Variants in SREBF2 observed in about 807,000 individuals in gnomAD.
SREBF2 encodes the protein sterol regulatory element-binding protein 2.
Under a neutral mutation model 113.1 loss-of-function variants are expected in SREBF2, and 55 were observed. The ratio of observed to expected loss-of-function variants is 0.49; its 90% CI spans 0.39 to 0.61. SREBF2 has a LOEUF of 0.61. Among genes scored for constraint, SREBF2 ranks in the 20% least tolerant of loss-of-function variants. The probability of loss-of-function intolerance (pLI) is 0.00; values close to 1 mark genes in which losing one functional copy is unlikely to be tolerated. For synonymous variants in SREBF2, 593 were observed against 605.7 expected, an observed-to-expected ratio of 0.98 and a Z score of 0.31; for missense variants, 1,349 against 1,487.4, an observed-to-expected ratio of 0.91 and a Z score of 1.53.
chr22:41,852,119 TCAAA>T (rs1021136972), intron 1 of SREBF2, among the ~76,000 whole-genome samples: 2 of 150,788 alleles, frequency 1.3e-5, no homozygotes, highest in Admixed American at 6.6e-5. Context: ...AGACTCCATC[TCAAA>T]CAAACAAACA....
intron 13 of SREBF2, 85 bp downstream of exon 13, chr22:41,895,022 G>A (rs904302474): frequency 8.5e-6 from 9 of 1,063,352 alleles, no homozygotes; most frequent in Admixed American, 5.5e-5. Context: ...CACTCCTGGA[G>A]GGAAACAAGC....
chr22:41,896,019 T>C (rs1247001204), intron 13 of SREBF2, among the ~76,000 whole-genome samples: 2 of 151,878 alleles, frequency 1.3e-5, no homozygotes, highest in African/African-American at 4.8e-5. Flanking sequence ...CGGGCGCCTG[T>C]GGTCCCAGCT....
At chr22:41,856,274 G>A (rs1368296978) in intron 1 of SREBF2, among the ~76,000 whole-genome samples, 1 of 151,960 alleles carries the variant, frequency 6.6e-6, no homozygotes, top group African/African-American at 2.4e-5. Context: ...CTACAGGTGC[G>A]TGCCACCATG....
intron 1 of SREBF2, among the ~76,000 whole-genome samples, chr22:41,837,425 G>A (rs2076786184): frequency 1.3e-5 from 2 of 151,826 alleles, no homozygotes; most frequent in African/African-American, 4.8e-5. Flanking sequence ...GGGCATGGTG[G>A]TACACGCCTA....
chr22:41,885,205 T>C (rs1271625494), intron 11 of SREBF2, among the ~76,000 whole-genome samples, 194 bp downstream of exon 11: 1 of 152,196 alleles, frequency 6.6e-6, no homozygotes, highest in Non-Finnish European at 1.5e-5. Flanking sequence ...ATTCCTCCCC[T>C]TGTGGCCTTA....
At chr22:41,876,010 G>A (rs1160200180) in intron 7 of SREBF2, among the ~76,000 whole-genome samples, 4 of 152,224 alleles carry the variant, frequency 2.6e-5, no homozygotes, top group African/African-American at 7.2e-5. Context: ...TTGTGGGGGC[G>A]TTGGGAGCTG....
chr22:41,902,075 GCCTT>G (rs1226592036), intron 16 of SREBF2, among the ~76,000 whole-genome samples: 1 of 152,232 alleles, frequency 6.6e-6, no homozygotes, highest in African/African-American at 2.4e-5. Context: ...AAGGATCAAG[GCCTT>G]GTGCAGGGAC....
At chr22:41,835,782 A>G (rs2076768566) in intron 1 of SREBF2, among the ~76,000 whole-genome samples, 2 of 152,104 alleles carry the variant, frequency 1.3e-5, no homozygotes, top group Non-Finnish European at 2.9e-5. Flanking sequence ...ATGTGCCACC[A>G]CACCTAGCTA....
At chr22:41,882,433 G>C (rs1305662383) in intron 10 of SREBF2, among the ~76,000 whole-genome samples, 1 of 152,200 alleles carries the variant, frequency 6.6e-6, no homozygotes, top group African/African-American at 2.4e-5. Flanking sequence ...CTACAGGTGA[G>C]AGTGAAAAGC....
At chr22:41,904,238 G>A (rs2077486928) in intron 17 of SREBF2, among the ~76,000 whole-genome samples, 2 of 152,102 alleles carry the variant, frequency 1.3e-5, no homozygotes, top group South Asian at 2.1e-4. Flanking sequence ...GCCCATCAGC[G>A]GCTCCCCATT....
At chr22:41,872,616 C>T (rs1474106730) in intron 4 of SREBF2, among the ~76,000 whole-genome samples, 1 of 152,076 alleles carries the variant, frequency 6.6e-6, no homozygotes, top group Non-Finnish European at 1.5e-5. Context: ...TTGGTCCAGG[C>T]CCAGTGGCTC....
intron 17 of SREBF2, chr22:41,904,588 G>A (rs9611689): frequency 1.9e-5 from 12 of 629,556 alleles, no homozygotes; most frequent in African/African-American, 9.1e-5. Context: ...CCAGCCCCAC[G>A]AGGTGCGTCC....
At chr22:41,880,671 C>G in intron 9 of SREBF2, 45 bp from the exon 10 acceptor site, 4 of 1,613,510 alleles carry the variant, frequency 2.5e-6, no homozygotes, top group Non-Finnish European at 3.4e-6. Context: ...AAACAAAAAG[C>G]CGGAGCAAGG....
At chr22:41,867,376 G>A in intron 2 of SREBF2, 96 bp downstream of exon 2, 1 of 1,341,416 alleles carries the variant, frequency 7.5e-7, no homozygotes. Flanking sequence ...TTCAGGAATG[G>A]CAGGTATATC....
At chr22:41,871,809 G>A (rs2077144922) in intron 4 of SREBF2, among the ~76,000 whole-genome samples, 1 of 149,862 alleles carries the variant, frequency 6.7e-6, no homozygotes, top group Non-Finnish European at 1.5e-5. Context: ...TGAGGCAGGA[G>A]AATTGCTTGA....
intron 11 of SREBF2, among the ~76,000 whole-genome samples, chr22:41,889,364 C>T (rs1368414425): frequency 6.6e-6 from 1 of 152,002 alleles, no homozygotes; most frequent in Admixed American, 6.6e-5. Flanking sequence ...TGGGCTTAAG[C>T]GATCTGCCCA....
chr22:41,893,658 A>T (rs1429151497), intron 12 of SREBF2, among the ~76,000 whole-genome samples: 2 of 152,182 alleles, frequency 1.3e-5, no homozygotes, highest in Non-Finnish European at 2.9e-5. Flanking sequence ...CCTGGCCTCC[A>T]GGTCTCTCCC....
At chr22:41,866,746 A>C (rs2077079804) in intron 1 of SREBF2, 85 bp from the exon 2 acceptor site, 1 of 1,484,062 alleles carries the variant, frequency 6.7e-7, no homozygotes, top group Non-Finnish European at 9.4e-7. Context: ...AAAGTCATTG[A>C]GTTTTCATGC....
At chr22:41,845,436 C>G (rs982899906) in intron 1 of SREBF2, among the ~76,000 whole-genome samples, 1 of 152,164 alleles carries the variant, frequency 6.6e-6, no homozygotes, top group Non-Finnish European at 1.5e-5. Flanking sequence ...AGCCCCTTCT[C>G]TGGTCAAAAG....
Sources: gnomAD v4.1 joint callset for allele counts (sites outside exome capture counted in the v4.1 genomes callset) on GRCh38, gnomAD v4.1.1 for gene constraint, MANE v1.5 for transcripts, NCBI Gene and HGNC (gene_info 2026-07-23, HGNC 2026-07-21) for gene names.